The following MAP3K15 variants were observed in gnomAD, a reference collection of about 807,000 sequenced individuals.
The protein encoded by MAP3K15 is MAPK/ERK kinase kinase 15.
Under a neutral mutation model 99.5 loss-of-function variants are expected in MAP3K15, and 124 were observed. That is an observed-to-expected ratio of 1.25 (90% CI 1.08 to 1.45). The LOEUF is 1.45. Among genes scored for constraint, MAP3K15 ranks in the 40% most tolerant of loss-of-function variants. The pLI is 0.00. For missense variants in MAP3K15, 1,242 were observed against 1,079.7 expected (o/e 1.15, Z -2.11); for synonymous variants, 494 against 439.6 (o/e 1.12, Z -1.55).
intron 1 of MAP3K15, among the ~76,000 whole-genome samples, chrX:19,496,103 G>C (rs1301982377): frequency 1.1e-5 from 1 of 94,732 alleles, no homozygotes; most frequent in Non-Finnish European, 2.0e-5. Context: ...GTCTTGCTCT[G>C]TTGCCCAGGC....
intron 22 of MAP3K15, 116 bp downstream of exon 22, chrX:19,372,537 G>A (rs1010005167): frequency 8.0e-6 from 5 of 627,785 alleles, no homozygotes; most frequent in African/African-American, 6.7e-5. Context: ...AGTGATCACC[G>A]TAACTATGCA....
At chrX:19,449,453 C>G (rs1425457255) in intron 6 of MAP3K15, among the ~76,000 whole-genome samples, 1 of 109,450 alleles carries the variant, frequency 9.1e-6, no homozygotes, top group Non-Finnish European at 1.9e-5. Context: ...TGGTCTCAAC[C>G]AGAAGGGATT....
intron 6 of MAP3K15, among the ~76,000 whole-genome samples, chrX:19,432,340 G>C (rs1487234723): frequency 9.0e-6 from 1 of 110,666 alleles, no homozygotes. Flanking sequence ...AAGGCGGGTG[G>C]ATCACTTAAG....
At chrX:19,393,637 CA>C (rs376190025) in intron 16 of MAP3K15, among the ~76,000 whole-genome samples, 10,007 of 92,417 alleles carry the variant, frequency 0.11, 1,061 homozygotes, top group African/African-American at 0.33. Context: ...GACTCCATCT[CA>C]AAAAAAAAAA....
intron 6 of MAP3K15, among the ~76,000 whole-genome samples, chrX:19,452,748 A>G (rs1161037361): frequency 1.8e-5 from 2 of 112,595 alleles, no homozygotes; most frequent in Non-Finnish European, 3.7e-5. Context: ...AACCCTGTAC[A>G]AGGTTGTTCA....
chrX:19,515,127 T>C lies in MAP3K15; in HGVS notation c.135A>G (p.Ala45=). The part of the protein sequence containing the change: ...AEPDGAAEGA[A]GGSGEGESGG... ...CACTCTCGCCCTCGCCGCTGCCGCCTGCCGCGCCCTCCGCCGCCCCGTCGG... is the reference window on the plus strand; with the variant it reads ...CACTCTCGCCCTCGCCGCTGCCGCCCGCCGCGCCCTCCGCCGCCCCGTCGG... Residue 45 remains alanine, a synonymous_variant, in exon 1 of 29, where the codon GCA becomes GCG. Transcript: ENST00000338883. 2 of 798,979 alleles carry C rather than the reference T, an allele frequency of 2.5e-6. No homozygotes were observed. The highest frequency in any genetic ancestry group is 5.5e-5 in the South Asian group (1 of 18,043). 65.8% of individuals were successfully genotyped at this position (798,979 alleles called of 1,213,427 possible). A position where few individuals can be genotyped will look rare whatever the true frequency, so the allele number is the denominator to read the frequency against.
intron 6 of MAP3K15, among the ~76,000 whole-genome samples, chrX:19,439,258 C>T (rs769277930): frequency 8.9e-6 from 1 of 111,782 alleles, no homozygotes; most frequent in African/African-American, 3.3e-5. Flanking sequence ...GCTGAGCAGA[C>T]ACCAATGCCA....
Position 19,398,191 on chromosome X carries a change from G to A in MAP3K15, c.2066+35C>T, listed in dbSNP as rs372911135. 1.2e-5 allele frequency: 14 copies of A among 1,205,797 alleles called. No homozygotes were observed. In the African/African-American group the frequency reaches 1.6e-4, roughly 14 times the overall value. On this transcript the variant is annotated intron_variant, in intron 15 of 28. Coordinates refer to ENST00000338883, the MANE Select transcript of MAP3K15 (RefSeq NM_001001671.4). ...GGTATGGGATCTGGGGTGTGGAGAC[G>A]GCACCCGAAATGCGGAAGGCCCGCC...
rs1157165078 is a variant in MAP3K15 at position 19,514,987 on chromosome X, T to A, written c.275A>T (p.Glu92Val). 2.7e-6 allele frequency: 3 copies of A among 1,122,832 alleles called. No homozygotes were observed. In the East Asian group the frequency reaches 1.1e-4, roughly 40 times the overall value. The allele number at this position is 1,122,832 out of a possible 1,213,427, so 92.5% of individuals were successfully genotyped here. Residue 92 changes from glutamate to valine, a missense_variant, in exon 1 of 29, where the codon GAG becomes GTG. Physicochemically the swap from Glu to Val is moderately radical, Grantham distance 121. Transcript: ENST00000338883. The part of the protein sequence containing the change: ...GARQCLLRAC[E>V]AEGAHLTSVP... The stretch of plus-strand genomic sequence containing the variant: ...GGAGGTGAGGTGAGCGCCCTCGGCC[T>A]CGCAGGCCCGCAGCAGGCACTGCCG...
intron 9 of MAP3K15, among the ~76,000 whole-genome samples, chrX:19,417,399 C>A (rs778822703): frequency 1.8e-4 from 20 of 112,186 alleles, no homozygotes; most frequent in Non-Finnish European, 9.4e-5. Flanking sequence ...GAGATTATAT[C>A]CCGCGCCTGG....
At chrX:19,447,763 A>C (rs921241876) in intron 6 of MAP3K15, among the ~76,000 whole-genome samples, 2 of 94,024 alleles carry the variant, frequency 2.1e-5, no homozygotes, top group Non-Finnish European at 4.4e-5. Context: ...GGGCGCCTGT[A>C]GTCCCAGCTA....
chrX:19,493,751 G>A (rs767991182), intron 1 of MAP3K15, among the ~76,000 whole-genome samples: 12 of 111,212 alleles, frequency 1.1e-4, no homozygotes, highest in African/African-American at 3.9e-4. Flanking sequence ...GCTTCACTAA[G>A]CAGGTAGAAA....
At chrX:19,437,444 T>C (rs1037370101) in intron 6 of MAP3K15, among the ~76,000 whole-genome samples, 4 of 111,634 alleles carry the variant, frequency 3.6e-5, no homozygotes, top group African/African-American at 1.3e-4. Context: ...GATCACCTAC[T>C]ATGCTCCAGC....
At chrX:19,439,633 AT>A (rs748028163) in intron 6 of MAP3K15, among the ~76,000 whole-genome samples, 1 of 110,531 alleles carries the variant, frequency 9.0e-6, no homozygotes, top group African/African-American at 3.3e-5. Flanking sequence ...AGGCAAGATA[AT>A]TTTTTCATTT....
At chrX:19,405,500 C>T (rs2063641733) in intron 13 of MAP3K15, among the ~76,000 whole-genome samples, 1 of 112,349 alleles carries the variant, frequency 8.9e-6, no homozygotes, top group Admixed American at 9.5e-5. Flanking sequence ...TGAAAGGAGA[C>T]TATGCAGACG....
In MAP3K15 at chrX:19,415,126, G is replaced by C. The variant is rs755656745; in HGVS notation, c.1571C>G (p.Thr524Ser). The change falls in exon 10 of 29, where the codon ACT becomes AGT. Residue 524 changes from threonine to serine, a missense_variant. Coordinates refer to ENST00000338883, the MANE Select transcript of MAP3K15 (RefSeq NM_001001671.4). ...TCTTACTGGAAATCTGAGTCCATTA[G>C]TGACTTCATTTGTTGCCTCAAAAAT... is the stretch of plus-strand genomic sequence containing the variant. ...DIIFEATNEV[T>S]NGLRFPVLVI... The C allele has an allele frequency of 2.6e-6, 3 of 1,166,547 alleles. No individual in the cohort carries two copies. In the African/African-American group the frequency reaches 5.3e-5, roughly 21 times the overall value.
intron 25 of MAP3K15, among the ~76,000 whole-genome samples, chrX:19,366,383 T>C (rs1223945010): frequency 8.9e-6 from 1 of 111,913 alleles, no homozygotes; most frequent in African/African-American, 3.3e-5. Context: ...TCTGCCCAAC[T>C]GCCACATAGC....
At chrX:19,378,626 G>A (rs1040411273) in intron 19 of MAP3K15, among the ~76,000 whole-genome samples, 1 of 111,438 alleles carries the variant, frequency 9.0e-6, no homozygotes, top group Non-Finnish European at 1.9e-5. Flanking sequence ...TGGGGATTAT[G>A]GGAACTACAA....
Position 19,451,036 on chromosome X carries a change from G to A in MAP3K15, c.995+5877C>T, listed in dbSNP as rs2064033600. Among the ~76,000 whole-genome samples, 4 of 109,020 alleles carry A rather than the reference G, an allele frequency of 3.7e-5. No homozygotes were observed. The Admixed American group carries it at 3.9e-4, about 11-fold the overall frequency. The allele number at this position is 109,020 out of a possible 115,157, so 94.7% of individuals were successfully genotyped here. A position where few individuals can be genotyped will look rare whatever the true frequency, so the allele number is the denominator to read the frequency against. On this transcript the variant is annotated intron_variant, in intron 6 of 28. Coordinates refer to ENST00000338883, the MANE Select transcript of MAP3K15 (RefSeq NM_001001671.4). ...TGCAGTGGCTCACGCCTGTAACCCT[G>A]GCACTTTGGGAAGCCGAGGCAGGTG...
Sources: gnomAD v4.1 joint callset for allele counts (sites outside exome capture counted in the v4.1 genomes callset) on GRCh38, gnomAD v4.1.1 for gene constraint, MANE v1.5 for transcripts, NCBI Gene and HGNC (gene_info 2026-07-23, HGNC 2026-07-21) for gene names.